The following ERC2 variants were observed in gnomAD, a reference collection of about 807,000 sequenced individuals.
ERC2 encodes ERC protein 2.
A neutral mutation model predicts 114.8 loss-of-function variants in ERC2; 42 were observed. That is an observed-to-expected ratio of 0.37 (90% CI 0.29 to 0.47). The LOEUF is 0.47. Among genes scored for constraint, ERC2 ranks in the 20% least tolerant of loss-of-function variants. ERC2 has a pLI of 0.99. For synonymous variants in ERC2, 454 were observed against 425.5 expected, an observed-to-expected ratio of 1.07 and a Z score of -0.82; for missense variants, 939 against 1,150.7, an observed-to-expected ratio of 0.82 and a Z score of 2.66.
chr3:55,744,220 T>A (rs1202629377), intron 14 of ERC2, among the ~76,000 whole-genome samples: 2 of 152,068 alleles, frequency 1.3e-5, no homozygotes, highest in Non-Finnish European at 1.5e-5. Context: ...CTGGCCAACA[T>A]GGTGAAACCC....
chr3:56,402,402 G>A (rs1373725997), intron 2 of ERC2, among the ~76,000 whole-genome samples: 3 of 152,192 alleles, frequency 2.0e-5, no homozygotes, highest in South Asian at 2.1e-4. Context: ...AGATGGGCAT[G>A]TCTTATGGAG....
At chr3:56,349,163 A>G (rs1440656315) in intron 2 of ERC2, among the ~76,000 whole-genome samples, 1 of 152,214 alleles carries the variant, frequency 6.6e-6, no homozygotes, top group Non-Finnish European at 1.5e-5. Flanking sequence ...TATTTACAGA[A>G]CAGTTTGTTC....
At chr3:56,043,677 AATACTC>A (rs1310268985) in intron 7 of ERC2, among the ~76,000 whole-genome samples, 3 of 152,180 alleles carry the variant, frequency 2.0e-5, no homozygotes, top group Non-Finnish European at 4.4e-5. Context: ...ATTTTCTTTT[AATACTC>A]ATACGTTCAT....
chr3:55,991,937 T>C, intron 11 of ERC2, 120 bp downstream of exon 11: 1 of 859,806 alleles, frequency 1.2e-6, no homozygotes, highest in Non-Finnish European at 1.8e-6. Context: ...ATTCCTCATT[T>C]ATGACTTGTT....
intron 17 of ERC2, among the ~76,000 whole-genome samples, chr3:55,598,836 G>A (rs1413264982): frequency 2.6e-5 from 4 of 152,204 alleles, no homozygotes; most frequent in Non-Finnish European, 5.9e-5. Flanking sequence ...AGATTGTCTG[G>A]GGAACATTCT....
At position 55,632,543 on chromosome 3, in the gene ERC2, C is replaced by T. The variant is rs1332934284; in HGVS notation, c.*39+51251G>A. 2.6e-5 allele frequency among the ~76,000 whole-genome samples: 4 copies of T among 152,286 alleles called. No individual in the cohort carries two copies. In the East Asian group the frequency reaches 7.7e-4, roughly 29 times the overall value. ...TCTTAAGTTTGGTTTCAGTGGAAGC[C>T]CAAGGGGTGGCCCAAAGACATCTGG... On this transcript the variant is annotated intron_variant, in intron 17 of 17. Transcript: ENST00000288221.
intron 13 of ERC2, among the ~76,000 whole-genome samples, chr3:55,947,934 A>G (rs2067236455): frequency 6.6e-6 from 1 of 152,226 alleles, no homozygotes; most frequent in Non-Finnish European, 1.5e-5. Context: ...CCCTGAAGAC[A>G]TTTGAGTTTG....
At chr3:55,858,214 A>G (rs2061873383) in intron 14 of ERC2, among the ~76,000 whole-genome samples, 1 of 152,200 alleles carries the variant, frequency 6.6e-6, no homozygotes, top group African/African-American at 2.4e-5. Context: ...AGTTTGAACT[A>G]ATATGAGTTG....
At chr3:56,322,460 T>G (rs2150425992) in intron 2 of ERC2, among the ~76,000 whole-genome samples, 1 of 152,298 alleles carries the variant, frequency 6.6e-6, no homozygotes, top group East Asian at 1.9e-4. Context: ...GGTTTATGAG[T>G]TCCAAGTCTA....
chr3:55,881,024 C>T (rs571718343), intron 14 of ERC2, among the ~76,000 whole-genome samples: 88 of 152,262 alleles, frequency 5.8e-4, no homozygotes, highest in Non-Finnish European at 1.9e-4. Flanking sequence ...TTTTAAGTAA[C>T]AATTGGCTTC....
At chr3:55,901,310 A>G (rs2064123685) in intron 13 of ERC2, among the ~76,000 whole-genome samples, 1 of 152,200 alleles carries the variant, frequency 6.6e-6, no homozygotes, top group Non-Finnish European at 1.5e-5. Context: ...ACAGGTCAGA[A>G]GTCTAGGCAA....
chr3:56,097,825 T>C (rs891342245), intron 6 of ERC2, among the ~76,000 whole-genome samples: 1 of 152,196 alleles, frequency 6.6e-6, no homozygotes, highest in African/African-American at 2.4e-5. Flanking sequence ...AGCAGCCTGA[T>C]ATCCTATCAG....
intron 14 of ERC2, among the ~76,000 whole-genome samples, chr3:55,810,073 C>A (rs934588578): frequency 8.0e-4 from 122 of 152,296 alleles, no homozygotes; most frequent in African/African-American, 2.9e-3. Flanking sequence ...GTCTACAAAT[C>A]ATCAGGCAAC....
intron 2 of ERC2, among the ~76,000 whole-genome samples, chr3:56,352,413 G>T (rs1163676649): frequency 1.3e-5 from 2 of 152,144 alleles, no homozygotes; most frequent in East Asian, 3.9e-4. Context: ...ATTTGATTGT[G>T]GTACAGCTAG....
At chr3:55,987,724 ATT>A (rs1268745500) in intron 11 of ERC2, among the ~76,000 whole-genome samples, 1 of 152,220 alleles carries the variant, frequency 6.6e-6, no homozygotes, top group Non-Finnish European at 1.5e-5. Flanking sequence ...AAAAAATAAC[ATT>A]CTCTTCCTCA....
chr3:55,952,950 T>C (rs981828208), intron 12 of ERC2, among the ~76,000 whole-genome samples: 1 of 151,972 alleles, frequency 6.6e-6, no homozygotes, highest in African/African-American at 2.4e-5. Context: ...TCCCAGCACT[T>C]TGGGAGGCCG....
At chr3:55,691,312 G>T (rs1173595843) in intron 16 of ERC2, among the ~76,000 whole-genome samples, 1 of 151,704 alleles carries the variant, frequency 6.6e-6, no homozygotes, top group South Asian at 2.1e-4. Context: ...GAGGCAAGTG[G>T]CTCTCAAGAG....
chr3:56,083,766 G>A (rs1022782361), intron 6 of ERC2, among the ~76,000 whole-genome samples: 1 of 152,014 alleles, frequency 6.6e-6, no homozygotes, highest in African/African-American at 2.4e-5. Flanking sequence ...TTGGGGTGAT[G>A]GAAGGACTTA....
At chr3:56,168,086 G>T (rs1349496062) in intron 4 of ERC2, among the ~76,000 whole-genome samples, 1 of 152,172 alleles carries the variant, frequency 6.6e-6, no homozygotes, top group East Asian at 1.9e-4. Context: ...AAGGAGTAAA[G>T]AGTGCAAGAG....
Sources: gnomAD v4.1 joint callset for allele counts (sites outside exome capture counted in the v4.1 genomes callset) on GRCh38, gnomAD v4.1.1 for gene constraint, MANE v1.5 for transcripts, NCBI Gene and HGNC (gene_info 2026-07-23, HGNC 2026-07-21) for gene names.